TUBB1: variants seen among roughly 807,000 people sequenced by gnomAD.
TUBB1 encodes tubulin beta-1 chain.
A neutral mutation model predicts 22.6 loss-of-function variants in TUBB1; 28 were observed. The observed-to-expected ratio is 1.24, with a 90% CI of 0.92 to 1.70. The LOEUF is 1.70. Ranked by LOEUF, TUBB1 falls within the 40% of genes most tolerant of loss-of-function variation. TUBB1 has a pLI of 0.00. For synonymous variants in TUBB1, 226 were observed against 238.0 expected, an observed-to-expected ratio of 0.95 and a Z score of 0.46; for missense variants, 577 against 605.5, an observed-to-expected ratio of 0.95 and a Z score of 0.49.
intron 1 of TUBB1, 126 bp from the exon 2 acceptor site, chr20:59,022,719 C>A (rs1326211067): frequency 2.5e-6 from 2 of 795,226 alleles, no homozygotes; most frequent in Middle Eastern, 2.2e-4. Context: ...ATGAAAAGGC[C>A]CTAAAAGAAT....
upstream of TUBB1, among the ~76,000 whole-genome samples, chr20:59,018,934 G>A (rs1281347123): frequency 6.6e-6 from 1 of 152,226 alleles, no homozygotes; most frequent in African/African-American, 2.4e-5. Context: ...GGCGAGAGAG[G>A]GCATGTGGGG....
Position 59,025,807 on chromosome 20 carries a change from A to C in TUBB1, c.*1024A>C, listed in dbSNP as rs2091991346. ...TTTACAGTTCAAATTAATTTGCAGA[A>C]GTTGCCATAAATGTTTGCATAATGA... On this transcript the variant is annotated 3_prime_UTR_variant, in exon 4 of 4. Coordinates refer to ENST00000217133, the MANE Select transcript of TUBB1 (RefSeq NM_030773.4). The C allele has an allele frequency of 6.6e-6, 1 of 152,276 alleles. No individual in the cohort carries two copies. Among genetic ancestry groups the C allele is most frequent in the East Asian group, 1.9e-4 (1 of 5,204 alleles). The allele number at this position is 152,276 out of a possible 1,614,324, so 9.4% of individuals were successfully genotyped here. A position where few individuals can be genotyped will look rare whatever the true frequency, so the allele number is the denominator to read the frequency against.
rs1305788911 is a variant in TUBB1 at position 59,022,866 on chromosome 20, G to T, written c.79G>T (p.Glu27Ter). The T allele has an allele frequency of 2.5e-6, 4 of 1,614,018 alleles. No homozygotes were observed. The highest frequency in any genetic ancestry group is 2.7e-5 in the African/African-American group (2 of 74,886). The change falls in exon 2 of 4, where the codon GAA becomes TAA. Residue 27 changes from glutamate (E) to a stop codon, truncating the protein, a stop_gained. Coordinates refer to ENST00000217133, the MANE Select transcript of TUBB1 (RefSeq NM_030773.4). LOFTEE classifies it high-confidence loss of function. ...TCAGTTCTGGGAGATGATTGGTGAG[G>T]AACACGGGATCGACTTGGCTGGGAG... ...GAKFWEMIGE[E>*]HGIDLAGSDR... is the part of the protein sequence containing the mutation.
chr20:59,025,308 G>A lies in TUBB1; in HGVS notation c.*525G>A, dbSNP rs1019755241. 1 of 194,578 alleles carries A rather than the reference G, an allele frequency of 5.1e-6. No homozygotes were observed. The highest frequency in any genetic ancestry group is 5.3e-5 in the Admixed American group (1 of 18,938). The allele number at this position is 194,578 out of a possible 1,614,324, so 12.1% of individuals were successfully genotyped here. A position where few individuals can be genotyped will look rare whatever the true frequency, so the allele number is the denominator to read the frequency against. On this transcript the variant is annotated 3_prime_UTR_variant, in exon 4 of 4. Transcript: ENST00000217133. ...CCTGACTAGTACATGGGGAGCTACA[G>A]AGCCAAGGTCAATGTGAGTCAACAT... is the stretch of plus-strand genomic sequence containing the variant.
chr20:59,018,846 G>A (rs2091955333), upstream of TUBB1, among the ~76,000 whole-genome samples: 1 of 152,246 alleles, frequency 6.6e-6, no homozygotes, highest in African/African-American at 2.4e-5. Flanking sequence ...AAGGGTGCTG[G>A]GGCACAGCCC....
In TUBB1 at chr20:59,023,996, A is replaced by G; in HGVS notation, c.569A>G (p.His190Arg). The change falls in exon 4 of 4, where the codon CAC (histidine) becomes CGC (arginine). Residue 190 changes from histidine to arginine, a missense_variant. Transcript: ENST00000217133. ...CCCTACAACGCGGTTCTGTCTATCC[A>G]CCAGCTGATTGAGAATGCAGATGCC... ...VEPYNAVLSI[H>R]QLIENADACF... 6.2e-7 allele frequency: 1 copy of G among 1,614,160 alleles called. No homozygotes were observed. The highest frequency in any genetic ancestry group is 1.1e-5 in the South Asian group (1 of 91,078).
At chr20:59,017,931 C>G (rs987249257), upstream of TUBB1, among the ~76,000 whole-genome samples, 1 of 152,324 alleles carries the variant, frequency 6.6e-6, no homozygotes, top group Admixed American at 6.5e-5. Context: ...CATAGCTGTT[C>G]AAAGAATGGG....
chr20:59,024,282 C>T lies in TUBB1; in HGVS notation c.855C>T (p.Ser285=), dbSNP rs775777565. Residue 285 remains serine (S), a synonymous_variant, in exon 4 of 4, where the codon TCC becomes TCT. Coordinates refer to ENST00000217133, the MANE Select transcript of TUBB1 (RefSeq NM_030773.4). This position sits in a 1 kb window ranked among gnomAD's most constrained non-coding sequence, Gnocchi z 4.9. ...GCAGCCAGCAGTACCGAGCCCTCTC[C>T]GTGGCCGAGCTCACCCAGCAGATGT... The part of the protein sequence containing the change: ...AQGSQQYRAL[S]VAELTQQMFD... The T allele has an allele frequency of 2.5e-5, 40 of 1,613,902 alleles. No individual in the cohort carries two copies. Among genetic ancestry groups the T allele is most frequent in the Non-Finnish European group, 3.3e-5 (39 of 1,180,058 alleles).
chr20:59,019,667 C>A, intron 1 of TUBB1, 88 bp downstream of exon 1: 2 of 1,335,252 alleles, frequency 1.5e-6, no homozygotes, highest in African/African-American at 1.4e-5. Context: ...GCAGGGAAGA[C>A]AATAAGTCTA....
rs560702757 is a variant in TUBB1 at position 59,023,745 on chromosome 20, C to T, written c.318C>T (p.Tyr106=). Residue 106 remains tyrosine (Y), a synonymous_variant, in exon 4 of 4, where the codon TAC becomes TAT. Coordinates refer to ENST00000217133, the MANE Select transcript of TUBB1 (RefSeq NM_030773.4). The stretch of plus-strand genomic sequence containing the variant: ...GCAACAACTGGGCCAAAGGCCACTA[C>T]ACGGAGGGAGCCGAGCTGATCGAGA... ...GAGNNWAKGH[Y]TEGAELIENV... 9.3e-6 allele frequency: 15 copies of T among 1,614,226 alleles called. No homozygotes were observed. Among genetic ancestry groups the T allele is most frequent in the African/African-American group, 2.7e-5 (2 of 75,056 alleles).
rs748064571 is a variant in TUBB1, at chr20:59,023,955, G to A, written c.528G>A (p.Ser176=). ...SFSVMPSPKV[S]DTVVEPYNAV... is the part of the protein sequence containing the mutation. Reference sequence around the variant, plus strand: ...GCGTCATGCCTTCTCCCAAGGTGTCGGACACTGTGGTGGAGCCCTACAACG... The same window carrying A: ...GCGTCATGCCTTCTCCCAAGGTGTCAGACACTGTGGTGGAGCCCTACAACG... Residue 176 remains serine, a synonymous_variant, in exon 4 of 4, where the codon TCG becomes TCA. Transcript: ENST00000217133. The A allele has an allele frequency of 1.4e-5, 23 of 1,614,064 alleles. No homozygotes were observed. Among genetic ancestry groups the A allele is most frequent in the African/African-American group, 4.0e-5 (3 of 74,920 alleles).
At chr20:59,021,591 T>C (rs1332878398) in intron 1 of TUBB1, among the ~76,000 whole-genome samples, 1 of 152,212 alleles carries the variant, frequency 6.6e-6, no homozygotes. Flanking sequence ...TTGGCACATA[T>C]CTATATTAAT....
chr20:59,026,556 G>A lies in TUBB1; in HGVS notation c.*1773G>A, dbSNP rs2146379655. The A allele has an allele frequency of 6.6e-6, 1 of 152,300 alleles. No individual in the cohort carries two copies. The highest frequency in any genetic ancestry group is 1.9e-4 in the East Asian group (1 of 5,188). 9.4% of individuals were successfully genotyped at this position (152,300 alleles called of 1,614,324 possible). On this transcript the variant is annotated 3_prime_UTR_variant, in exon 4 of 4. Coordinates refer to ENST00000217133, the MANE Select transcript of TUBB1 (RefSeq NM_030773.4). ...CTGACTTATATTACTGTAAAGATTT[G>A]TTTGCTCAATAGTAATCATTAAACT...
At position 59,022,888 on chromosome 20, in the gene TUBB1, G is replaced by C; in HGVS notation, c.101G>C (p.Gly34Ala). The change falls in exon 2 of 4, where the codon GGG becomes GCG. Residue 34 changes from glycine to alanine, a missense_variant. Gly to Ala is a moderately conservative substitution (Grantham distance 60). Transcript: ENST00000217133. ...GAGGAACACGGGATCGACTTGGCTG[G>C]GAGCGACCGCGGGGCCTCGGCCTTG... ...IGEEHGIDLA[G>A]SDRGASALQL... 1 of 1,614,132 alleles carries C rather than the reference G, an allele frequency of 6.2e-7. No individual in the cohort carries two copies.
Position 59,026,073 on chromosome 20 carries a change from A to C in TUBB1, c.*1290A>C, listed in dbSNP as rs2091992897. On this transcript the variant is annotated 3_prime_UTR_variant, in exon 4 of 4. Coordinates refer to ENST00000217133, the MANE Select transcript of TUBB1 (RefSeq NM_030773.4). ...AAATGCTCCGACCCTCAATGCAGTA[A>C]ATATTTACTTGCAGGCAACTGGGTT... The C allele has an allele frequency of 6.6e-6, 1 of 152,190 alleles. No homozygotes were observed. The allele number at this position is 152,190 out of a possible 1,614,324, so 9.4% of individuals were successfully genotyped here.
In TUBB1 at chr20:59,024,832, T is replaced by C. The variant is rs757419999; in HGVS notation, c.*49T>C. The stretch of plus-strand genomic sequence containing the variant: ...AGTCGCTTACAGAACAGTTTCTCAT[T>C]AGATGAGTGTTTCTCCTGCAGCACT... On this transcript the variant is annotated 3_prime_UTR_variant, in exon 4 of 4. Transcript: ENST00000217133. The surrounding 1 kb of genome is among the most constrained non-coding windows in gnomAD (Gnocchi z 4.9). 3.9e-6 allele frequency: 6 copies of C among 1,557,260 alleles called. No individual in the cohort carries two copies. The Admixed American group carries it at 5.0e-5, about 13-fold the overall frequency.
intron 1 of TUBB1, 34 bp from the exon 2 acceptor site, chr20:59,022,811 G>A: frequency 6.3e-7 from 1 of 1,597,050 alleles, no homozygotes; most frequent in Non-Finnish European, 8.6e-7. Context: ...CCTTTTTCGG[G>A]GTCCGTTTAC....
chr20:59,022,993 T>A, intron 2 of TUBB1, 40 bp downstream of exon 2: 1 of 1,542,958 alleles, frequency 6.5e-7, no homozygotes, highest in Non-Finnish European at 8.9e-7. Flanking sequence ...GTCCCGCAAC[T>A]GGGAACACAA....
chr20:59,023,003 A>G (rs2091975546), intron 2 of TUBB1, 50 bp downstream of exon 2: 1 of 1,494,214 alleles, frequency 6.7e-7, no homozygotes, highest in Admixed American at 1.7e-5. Flanking sequence ...TGGGAACACA[A>G]GCAGAGGAAG....
Sources: gnomAD v4.1 joint callset for allele counts (sites outside exome capture counted in the v4.1 genomes callset) on GRCh38, gnomAD v4.1.1 for gene constraint, Gnocchi (gnomAD v3.1) non-coding constraint, MANE v1.5 for transcripts, NCBI Gene and HGNC (gene_info 2026-07-23, HGNC 2026-07-21) for gene names.